CLK1: variants seen among roughly 807,000 people sequenced by gnomAD.
CLK1 encodes the protein CDC like kinase 1, also known as dual specificity protein kinase CLK1.
In CLK1, 40 loss-of-function variants were observed where a neutral mutation model predicts 60.9. The ratio of observed to expected loss-of-function variants is 0.66; its 90% confidence interval spans 0.51 to 0.86. CLK1 has a LOEUF of 0.86. CLK1 is among the 40% of genes least tolerant of loss of function. CLK1 has a pLI of 0.00. For missense variants in CLK1, 563 were observed against 606.1 expected, an observed-to-expected ratio of 0.93 and a Z score of 0.75; for synonymous variants, 203 against 184.4, an observed-to-expected ratio of 1.10 and a Z score of -0.82.
At chr2:200,854,926 G>A in intron 10 of CLK1, 78 bp downstream of exon 10, 1 of 1,067,920 alleles carries the variant, frequency 9.4e-7, no homozygotes. Flanking sequence ...CTATAATGGG[G>A]GAAGCAAAAG....
rs766422674 is a variant in CLK1, at chr2:200,861,251, C to G, written c.377G>C (p.Arg126Pro). 10 of 1,614,004 alleles carry G rather than the reference C, an allele frequency of 6.2e-6. No individual in the cohort carries two copies. The highest frequency in any genetic ancestry group is 7.6e-6 in the Non-Finnish European group (9 of 1,179,924). ...AAACGTTCATACCCCATGTGAACGA[C>G]GATGTGAAGTACTGTGGTGAATCCT... ...KHRIHHSTSH[R>P]RSHGKSHRRK... The change falls in exon 3 of 13, where the codon CGT (arginine) becomes CCT (proline). Residue 126 changes from arginine (R) to proline (P), a missense_variant. Around this residue, in one of 3 missense-constraint regions of CLK1, gnomAD observed 198 missense variants for 179.2 expected, o/e 1.10. Transcript: ENST00000321356.
At chr2:200,859,374 G>T (rs2039097518) in intron 5 of CLK1, among the ~76,000 whole-genome samples, 1 of 152,146 alleles carries the variant, frequency 6.6e-6, no homozygotes, top group Non-Finnish European at 1.5e-5. Context: ...AACCAAGGCT[G>T]AGAACCACTA....
chr2:200,853,452 GGAA>G lies in CLK1; in HGVS notation c.1312-6_1312-4del. The G allele has an allele frequency of 6.3e-7, 1 of 1,596,808 alleles. No homozygotes were observed. Among genetic ancestry groups the G allele is most frequent in the Non-Finnish European group, 8.5e-7 (1 of 1,175,516 alleles). On this transcript the variant is annotated splice_polypyrimidine_tract_variant and splice_region_variant and intron_variant, in intron 12 of 12. Coordinates refer to ENST00000321356, the MANE Select transcript of CLK1 (RefSeq NM_004071.4). ...ACATCTTGAGAAAGCATAAATTCCTGGAAGAAAAAAAGAAATTCATTCAACAGC... is the reference window on the plus strand; with the variant it reads ...ACATCTTGAGAAAGCATAAATTCCTGGAAAAAAAGAAATTCATTCAACAGC...
chr2:200,862,336 T>A (rs1020509123), intron 1 of CLK1, among the ~76,000 whole-genome samples: 1 of 152,158 alleles, frequency 6.6e-6, no homozygotes, highest in Non-Finnish European at 1.5e-5. Flanking sequence ...CTGATGACAT[T>A]CCACCATTGT....
At chr2:200,861,551 C>A (rs186781335) in intron 2 of CLK1, 85 bp from the exon 3 acceptor site, 1 of 1,562,828 alleles carries the variant, frequency 6.4e-7, no homozygotes, top group Non-Finnish European at 8.6e-7. Flanking sequence ...TAGACTCCCC[C>A]ACAAGCAGCT....
Position 200,853,592 on chromosome 2 carries a change from G to A in CLK1, c.1312-143C>T, listed in dbSNP as rs1366457759. ...ATGGTCGCTCACGCCTATAATCCCAGCACTCTGGGAGGCCAAGGCAGGTGG... is the reference window on the plus strand; with the variant it reads ...ATGGTCGCTCACGCCTATAATCCCAACACTCTGGGAGGCCAAGGCAGGTGG... On this transcript the variant is annotated intron_variant, in intron 12 of 12. Coordinates refer to ENST00000321356, the MANE Select transcript of CLK1 (RefSeq NM_004071.4). 4.3e-6 allele frequency: 3 copies of A among 702,306 alleles called. No homozygotes were observed. In the East Asian group the frequency reaches 1.1e-4, roughly 26 times the overall value. The allele number at this position is 702,306 out of a possible 1,614,324, so 43.5% of individuals were successfully genotyped here. A position where few individuals can be genotyped will look rare whatever the true frequency, so the allele number is the denominator to read the frequency against.
intron 12 of CLK1, 112 bp from the exon 13 acceptor site, chr2:200,853,561 C>G (rs2038982747): frequency 3.9e-6 from 4 of 1,030,070 alleles, no homozygotes; most frequent in Admixed American, 2.8e-5. Flanking sequence ...AGAAAAGAGG[C>G]CAGGCATGGT....
chr2:200,859,402 A>C (rs1333926176), intron 5 of CLK1, among the ~76,000 whole-genome samples: 1 of 152,192 alleles, frequency 6.6e-6, no homozygotes. Flanking sequence ...GGGGGAAAAA[A>C]ATATGGCCTA....
chr2:200,856,542 A>G, intron 9 of CLK1, 140 bp downstream of exon 9: 2 of 627,528 alleles, frequency 3.2e-6, no homozygotes, highest in Non-Finnish European at 5.3e-6. Context: ...TTGAGAGCTT[A>G]AAATCCATAA....
intron 9 of CLK1, among the ~76,000 whole-genome samples, chr2:200,855,353 C>T (rs1458829203): frequency 6.6e-6 from 1 of 151,694 alleles, no homozygotes; most frequent in Admixed American, 6.6e-5. Context: ...CACAGTGGCT[C>T]ACGCTACAGG....
At chr2:200,859,849 T>C (rs2039106078) in intron 4 of CLK1, 103 bp from the exon 5 acceptor site, 1 of 1,523,582 alleles carries the variant, frequency 6.6e-7, no homozygotes, top group African/African-American at 1.4e-5. Context: ...TGCTACAAAT[T>C]TCCTTATCAC....
chr2:200,858,299 A>G (rs985209348), intron 5 of CLK1: 9 of 559,858 alleles, frequency 1.6e-5, no homozygotes, highest in East Asian at 6.1e-5. Context: ...TATTTCAGCT[A>G]AACAACTTCT....
chr2:200,856,764 G>A lies in CLK1; in HGVS notation c.975C>T (p.Asp325=). 6.2e-7 allele frequency: 1 copy of A among 1,613,684 alleles called. No individual in the cohort carries two copies. Among genetic ancestry groups the A allele is most frequent in the Non-Finnish European group, 8.5e-7 (1 of 1,179,842 alleles). Residue 325 remains aspartate, a synonymous_variant, in exon 9 of 13, where the codon GAC becomes GAT. Coordinates refer to ENST00000321356, the MANE Select transcript of CLK1 (RefSeq NM_004071.4). ...TLINPDIKVV[D]FGSATYDDEH... ...CGTCATCATATGTTGCACTACCAAAGTCTACAACTTTAATATCTGGATTTA... is the reference window on the plus strand; with the variant it reads ...CGTCATCATATGTTGCACTACCAAAATCTACAACTTTAATATCTGGATTTA...
At chr2:200,854,222 G>A in intron 11 of CLK1, 1 of 392,462 alleles carries the variant, frequency 2.5e-6, no homozygotes, top group African/African-American at 2.1e-5. Flanking sequence ...AGACTTGGTA[G>A]AGTGAAAATT....
At chr2:200,856,854 G>A in intron 8 of CLK1, 37 bp downstream of exon 8, 5 of 1,613,710 alleles carry the variant, frequency 3.1e-6, no homozygotes, top group Non-Finnish European at 4.2e-6. Context: ...AAGCTATTAA[G>A]GCATAAGATA....
rs572584349 is a variant in CLK1 at position 200,856,831 on chromosome 2, G to A, written c.928-20C>T. ...ACGTTTCTGAAAATCATAAATGATG[G>A]TTAAGAAGGCATAAGCTATTAAGGC... On this transcript the variant is annotated intron_variant, in intron 8 of 12. Transcript: ENST00000321356. 3.5e-5 allele frequency: 56 copies of A among 1,612,614 alleles called. 1 individual carries two copies. In the South Asian group the frequency reaches 5.6e-4, roughly 16 times the overall value.
chr2:200,854,839 A>C, intron 10 of CLK1, 144 bp from the exon 11 acceptor site: 1 of 772,730 alleles, frequency 1.3e-6, no homozygotes, highest in African/African-American at 1.8e-5. Context: ...TTGCTTATAT[A>C]CTGAAAGATG....
intron 2 of CLK1, 114 bp from the exon 3 acceptor site, chr2:200,861,580 A>T: frequency 1.3e-6 from 2 of 1,559,140 alleles, no homozygotes; most frequent in East Asian, 4.5e-5. Flanking sequence ...CAAACATTAC[A>T]AACCATCAAA....
chr2:200,861,500 G>A, intron 2 of CLK1, 34 bp from the exon 3 acceptor site: 2 of 1,605,560 alleles, frequency 1.2e-6, no homozygotes, highest in Non-Finnish European at 1.7e-6. Context: ...AATGTTTTAT[G>A]CTAAGACCAA....
Sources: allele counts gnomAD v4.1 joint callset (sites outside exome capture counted in the v4.1 genomes callset), GRCh38; gene constraint gnomAD v4.1.1; regional missense constraint gnomAD v4.1.1; transcripts MANE v1.5; gene names NCBI Gene and HGNC (gene_info 2026-07-23, HGNC 2026-07-21).